Variants in MCF2L observed in about 807,000 individuals in gnomAD.
The protein encoded by MCF2L is MCF.2 cell line derived transforming sequence like, also known as guanine nucleotide exchange factor DBS.
MCF2L carries 97 observed loss-of-function variants against 153.4 expected under a neutral mutation model. That is an observed-to-expected ratio of 0.63 (90% CI 0.54 to 0.75). The LOEUF (loss-of-function observed/expected upper bound fraction) is 0.75, where lower values mean the gene tolerates loss of function less well. Ranked by LOEUF, MCF2L falls within the 30% of genes least tolerant of loss-of-function variation. The pLI is 0.00. For synonymous variants in MCF2L, 659 were observed against 632.2 expected, an observed-to-expected ratio of 1.04 and a Z score of -0.64; for missense variants, 1,347 against 1,495.2, an observed-to-expected ratio of 0.90 and a Z score of 1.64.
rs1212448413 is a variant in MCF2L at position 112,981,084 on chromosome 13, G to A, written c.79+11626G>A. ...ACATGTCCCCTTCCTGTGCACTGGG[G>A]ACCCCGACACGTCCCTTCCTGTGCA... is the stretch of plus-strand genomic sequence containing the variant. On this transcript the variant is annotated intron_variant, in intron 1 of 29. Coordinates refer to ENST00000535094, the MANE Select transcript of MCF2L (RefSeq NM_001112732.3). 2.0e-5 allele frequency among the ~76,000 whole-genome samples: 3 copies of A among 149,200 alleles called. No individual in the cohort carries two copies. In the East Asian group the frequency reaches 6.0e-4, roughly 30 times the overall value.
At chr13:112,940,304 T>G (rs1481964994) in intron 2 of MCF2L, among the ~76,000 whole-genome samples, 1 of 152,278 alleles carries the variant, frequency 6.6e-6, no homozygotes, top group African/African-American at 2.4e-5. Flanking sequence ...TTCATTTCAC[T>G]GTCTCATCTG....
At chr13:113,084,727 C>T (rs1293918220) in intron 18 of MCF2L, 165 bp from the exon 19 acceptor site, 9 of 628,564 alleles carry the variant, frequency 1.4e-5, no homozygotes, top group Non-Finnish European at 2.5e-5. Context: ...GGAGCCAGTG[C>T]CGGCCCTCGG....
intron 15 of MCF2L, among the ~76,000 whole-genome samples, chr13:113,080,764 C>T (rs1300651656): frequency 6.6e-6 from 1 of 152,226 alleles, no homozygotes; most frequent in Non-Finnish European, 1.5e-5. Context: ...ACACAGATAC[C>T]CACCACGAGG....
In MCF2L at chr13:113,064,156, T is replaced by C. The variant is rs1189952655; in HGVS notation, c.490-148T>C. 5 of 703,292 alleles carry C rather than the reference T, an allele frequency of 7.1e-6. No individual in the cohort carries two copies. The highest frequency in any genetic ancestry group is 1.9e-5 in the Admixed American group (1 of 53,750). The allele number at this position is 703,292 out of a possible 1,614,324, so 43.6% of individuals were successfully genotyped here. A position where few individuals can be genotyped will look rare whatever the true frequency, so the allele number is the denominator to read the frequency against. ...ATCCCATCCGCACATCCATCCGCAG[T>C]GTCCAGGTGCCCCCACCCACACAGC... On this transcript the variant is annotated intron_variant, in intron 5 of 29. Transcript: ENST00000535094. This position sits in a 1 kb window ranked among gnomAD's most constrained non-coding sequence, Gnocchi z 6.0.
At chr13:113,026,930 G>A (rs994803530) in intron 3 of MCF2L, 4 of 774,688 alleles carry the variant, frequency 5.2e-6, no homozygotes, top group Admixed American at 3.4e-5. Flanking sequence ...GGGGTGCCGC[G>A]GGGGTCTCTC....
At chr13:112,920,276 A>T (rs917657901) in intron 2 of MCF2L, among the ~76,000 whole-genome samples, 2 of 152,220 alleles carry the variant, frequency 1.3e-5, no homozygotes, top group African/African-American at 2.4e-5. Context: ...AACAGAAAAC[A>T]TAGAGTTTTT....
In MCF2L at chr13:113,036,451, C is replaced by T. The variant is rs558389288; in HGVS notation, c.279-8820C>T. Among the ~76,000 whole-genome samples, 15 of 152,310 alleles carry T rather than the reference C, an allele frequency of 9.8e-5. No homozygotes were observed. In the South Asian group the frequency reaches 2.3e-3, roughly 23 times the overall value. On this transcript the variant is annotated intron_variant, in intron 3 of 29. Coordinates refer to ENST00000535094, the MANE Select transcript of MCF2L (RefSeq NM_001112732.3). Reference sequence around the variant, plus strand: ...TCTGTGCTCTGGGGGGCTTTTCCTACGAGCTTTGCGTGAGATGCCAGCTGC... The same window carrying T: ...TCTGTGCTCTGGGGGGCTTTTCCTATGAGCTTTGCGTGAGATGCCAGCTGC...
chr13:112,979,795 T>G lies in MCF2L; in HGVS notation c.79+10337T>G, dbSNP rs781334193. On this transcript the variant is annotated intron_variant, in intron 1 of 29. Coordinates refer to ENST00000535094, the MANE Select transcript of MCF2L (RefSeq NM_001112732.3). ...TGGGGTCGCAGGGCATGGGGGCAGG[T>G]GCTGTGTCCCCTCTGCAGGTGTCCT... 16 of 1,577,470 alleles carry G rather than the reference T, an allele frequency of 1.0e-5. No individual in the cohort carries two copies. The East Asian group carries it at 3.6e-4, about 35-fold the overall frequency.
chr13:113,052,078 A>G (rs2087373114), intron 4 of MCF2L, among the ~76,000 whole-genome samples: 1 of 152,226 alleles, frequency 6.6e-6, no homozygotes, highest in Non-Finnish European at 1.5e-5. Context: ...CAGCACAGAA[A>G]ACTGGTGAGT....
At chr13:112,990,959 T>C (rs2082872965) in intron 1 of MCF2L, among the ~76,000 whole-genome samples, 1 of 152,246 alleles carries the variant, frequency 6.6e-6, no homozygotes, top group Non-Finnish European at 1.5e-5. Flanking sequence ...CCTGCAGCCA[T>C]GTGACAGTAA....
chr13:112,939,094 A>G (rs2081550212), intron 2 of MCF2L, among the ~76,000 whole-genome samples: 1 of 152,258 alleles, frequency 6.6e-6, no homozygotes, highest in Non-Finnish European at 1.5e-5. Context: ...ATTCACACAG[A>G]AGAAAGAAAA....
At position 113,082,562 on chromosome 13, in the gene MCF2L, A is replaced by G; in HGVS notation, c.1991+20A>G. 2 of 1,487,012 alleles carry G rather than the reference A, an allele frequency of 1.3e-6. No homozygotes were observed. The highest frequency in any genetic ancestry group is 1.9e-6 in the Non-Finnish European group (2 of 1,066,708). 92.1% of individuals were successfully genotyped at this position (1,487,012 alleles called of 1,614,324 possible). On this transcript the variant is annotated intron_variant, in intron 17 of 29. Coordinates refer to ENST00000535094, the MANE Select transcript of MCF2L (RefSeq NM_001112732.3). ...CAACAGGTGGGCCCTTCCCCCCGAC[A>G]CAGGCACGCACCCGTGATCTCTTGC...
At chr13:113,029,679 C>T (rs570522910) in intron 3 of MCF2L, among the ~76,000 whole-genome samples, 9 of 152,332 alleles carry the variant, frequency 5.9e-5, no homozygotes, top group South Asian at 2.1e-4. Flanking sequence ...CTGCTGGAGA[C>T]GCGGAGCATT....
chr13:113,074,584 G>GGGCGGC lies in MCF2L; in HGVS notation c.1116+24_1116+29dup. 2.5e-6 allele frequency: 4 copies of GGGCGGC among 1,611,110 alleles called. No individual in the cohort carries two copies. The South Asian group carries it at 4.4e-5, about 18-fold the overall frequency. On this transcript the variant is annotated intron_variant, in intron 10 of 29. Transcript: ENST00000535094. The surrounding 1 kb of genome is among the most constrained non-coding windows in gnomAD (Gnocchi z 4.2). Reference sequence around the variant, plus strand: ...CAGGCGTAAGGCGGGGTCCCGGCGGGGGCGGCGGGAGAGTGTGGGCAGCAT... The same window carrying GGGCGGC: ...CAGGCGTAAGGCGGGGTCCCGGCGGGGGCGGCGGCGGCGGGAGAGTGTGGGCAGCAT...
At chr13:112,981,381 T>C (rs978379502) in intron 1 of MCF2L, among the ~76,000 whole-genome samples, 3 of 152,312 alleles carry the variant, frequency 2.0e-5, no homozygotes, top group South Asian at 2.1e-4. Flanking sequence ...GGAGACGCGA[T>C]GAGAGTGTCA....
At chr13:112,995,936 C>A (rs1441562745) in intron 1 of MCF2L, among the ~76,000 whole-genome samples, 3 of 152,180 alleles carry the variant, frequency 2.0e-5, no homozygotes, top group Non-Finnish European at 2.9e-5. Flanking sequence ...CGGGTGCAGC[C>A]TTTACATTCA....
intron 11 of MCF2L, 41 bp from the exon 12 acceptor site, chr13:113,075,925 T>C: frequency 1.3e-6 from 2 of 1,518,696 alleles, no homozygotes; most frequent in Non-Finnish European, 1.8e-6. Context: ...GCTCTCACCC[T>C]CTCACGGCGT....
chr13:112,905,747 A>G (rs2081166490), intron 2 of MCF2L, among the ~76,000 whole-genome samples: 1 of 152,174 alleles, frequency 6.6e-6, no homozygotes, highest in Non-Finnish European at 1.5e-5. Flanking sequence ...GTAATATTCC[A>G]TAGTGTGGGT....
At chr13:112,980,914 T>G (rs538349482) in intron 1 of MCF2L, among the ~76,000 whole-genome samples, 191 of 152,318 alleles carry the variant, frequency 1.3e-3, no homozygotes, top group African/African-American at 4.1e-3. Context: ...AGCTGAAGTC[T>G]TAAGACCCTG....
Sources: allele counts gnomAD v4.1 joint callset (sites outside exome capture counted in the v4.1 genomes callset), GRCh38; gene constraint gnomAD v4.1.1; non-coding constraint Gnocchi (gnomAD v3.1); transcripts MANE v1.5; gene names NCBI Gene and HGNC (gene_info 2026-07-23, HGNC 2026-07-21).